The following RPN2 variants were observed in gnomAD, a reference collection of about 807,000 sequenced individuals.
RPN2 encodes the protein dolichyl-diphosphooligosaccharide--protein glycosyltransferase subunit 2.
Under a neutral mutation model 71.4 loss-of-function variants are expected in RPN2, and 29 were observed. The ratio of observed to expected loss-of-function variants is 0.41; its 90% CI spans 0.30 to 0.55. The LOEUF (loss-of-function observed/expected upper bound fraction) is 0.55, where lower values mean the gene tolerates loss of function less well. RPN2 is among the 20% of genes least tolerant of loss of function. RPN2 has a pLI of 0.35. For synonymous variants in RPN2, 308 were observed against 305.0 expected, an observed-to-expected ratio of 1.01 and a Z score of -0.10; for missense variants, 726 against 774.1, an observed-to-expected ratio of 0.94 and a Z score of 0.74.
chr20:37,188,304 G>A (rs927421520), intron 2 of RPN2, among the ~76,000 whole-genome samples: 1 of 151,910 alleles, frequency 6.6e-6, no homozygotes, highest in African/African-American at 2.4e-5. Context: ...ATAGGTGCAC[G>A]CCACCACACC....
chr20:37,222,683 T>G (rs2067989872), intron 9 of RPN2, among the ~76,000 whole-genome samples: 1 of 152,230 alleles, frequency 6.6e-6, no homozygotes. Context: ...AAGGATTTCC[T>G]TAAGTGTTAC....
chr20:37,184,037 G>C (rs1568957720), intron 1 of RPN2, 143 bp from the exon 2 acceptor site: 1 of 931,408 alleles, frequency 1.1e-6, no homozygotes, highest in Non-Finnish European at 1.7e-6. Context: ...CCTTCCCAAG[G>C]CTTCTCCTCA....
intron 1 of RPN2, among the ~76,000 whole-genome samples, chr20:37,183,261 G>A (rs1424180942): frequency 1.3e-5 from 2 of 151,840 alleles, no homozygotes; most frequent in Non-Finnish European, 1.5e-5. Flanking sequence ...TGTCACTCAG[G>A]TTGGCAACAA....
rs768969827 is a variant in RPN2 at position 37,210,032 on chromosome 20, T to C, written c.868-15T>C. On this transcript the variant is annotated splice_polypyrimidine_tract_variant and intron_variant, in intron 7 of 16. Transcript: ENST00000237530. ...TAGCCTTTGTTGTAACAAATAATTT[T>C]TTATTTATTTCCAGTTGCAAGTCAC... 14 of 1,613,086 alleles carry C rather than the reference T, an allele frequency of 8.7e-6. No individual in the cohort carries two copies. The highest frequency in any genetic ancestry group is 1.7e-5 in the Admixed American group (1 of 60,010).
intron 7 of RPN2, among the ~76,000 whole-genome samples, chr20:37,209,291 G>GATGGGA (rs1458888179): frequency 1.3e-5 from 2 of 152,136 alleles, no homozygotes; most frequent in Non-Finnish European, 2.9e-5. Context: ...TCCCATTGCT[G>GATGGGA]ATACCATTCT....
At chr20:37,192,456 C>T (rs546650471) in intron 2 of RPN2, among the ~76,000 whole-genome samples, 3 of 152,302 alleles carry the variant, frequency 2.0e-5, no homozygotes, top group African/African-American at 7.2e-5. Context: ...CAGAGGGAGC[C>T]GGCACTCACC....
In RPN2 at chr20:37,180,666, TTAG is replaced by T. The variant is rs1352619201; in HGVS notation, c.13+1298_13+1300del. ...ATTAGTATCTTGACTCCGCTCTCTC[TTAG>T]GTCTTTCTGTCCATTAGCAGTTTCT... is the stretch of plus-strand genomic sequence containing the variant. On this transcript the variant is annotated intron_variant, in intron 1 of 16. Transcript: ENST00000237530. Among the ~76,000 whole-genome samples, 3 of 152,332 alleles carry T rather than the reference TTAG, an allele frequency of 2.0e-5. No individual in the cohort carries two copies. In the South Asian group the frequency reaches 6.2e-4, roughly 32 times the overall value.
At chr20:37,208,440 C>T (rs573887187) in intron 7 of RPN2, among the ~76,000 whole-genome samples, 3 of 152,168 alleles carry the variant, frequency 2.0e-5, no homozygotes, top group Middle Eastern at 6.8e-3. Flanking sequence ...GACGCGGTCT[C>T]GCTATGTCGC....
intron 2 of RPN2, among the ~76,000 whole-genome samples, chr20:37,190,774 A>G (rs1318340168): frequency 2.0e-5 from 3 of 152,234 alleles, no homozygotes; most frequent in Non-Finnish European, 4.4e-5. Context: ...AAATAGGTTA[A>G]TCACATACTC....
chr20:37,197,380 T>C (rs772213001), intron 2 of RPN2, among the ~76,000 whole-genome samples: 34 of 152,164 alleles, frequency 2.2e-4, no homozygotes, highest in Middle Eastern at 3.4e-3. Flanking sequence ...ACTGGGACAA[T>C]GTAGGTGAGA....
At chr20:37,240,523 CTGA>C (rs2068523322) in intron 16 of RPN2, among the ~76,000 whole-genome samples, 1 of 152,168 alleles carries the variant, frequency 6.6e-6, no homozygotes, top group Admixed American at 6.5e-5. Flanking sequence ...AGAGCTGCCA[CTGA>C]AGGATGGTGT....
intron 15 of RPN2, among the ~76,000 whole-genome samples, chr20:37,234,402 A>G (rs191174510): frequency 4.0e-4 from 61 of 152,318 alleles, no homozygotes; most frequent in African/African-American, 1.3e-3. Context: ...ACATTGAGCA[A>G]TCTTCCTGGA....
intron 2 of RPN2, among the ~76,000 whole-genome samples, chr20:37,196,645 G>A (rs1239263272): frequency 6.6e-6 from 1 of 152,114 alleles, no homozygotes; most frequent in Admixed American, 6.6e-5. Flanking sequence ...TTCATAAAGT[G>A]TTAGGATTAC....
intron 13 of RPN2, among the ~76,000 whole-genome samples, chr20:37,231,857 A>G (rs1440319661): frequency 6.6e-6 from 1 of 152,198 alleles, no homozygotes; most frequent in Non-Finnish European, 1.5e-5. Flanking sequence ...TGTTACCACC[A>G]TTAGCCAATT....
chr20:37,204,676 C>T, intron 5 of RPN2, 91 bp from the exon 6 acceptor site: 4 of 1,375,912 alleles, frequency 2.9e-6, no homozygotes, highest in Non-Finnish European at 3.1e-6. Flanking sequence ...AGAGATGTCA[C>T]GAAGCTGTCT....
Position 37,241,605 on chromosome 20 carries a change from G to A in RPN2, c.*290G>A. The A allele has an allele frequency of 2.2e-6, 1 of 457,210 alleles. No homozygotes were observed. Among genetic ancestry groups the A allele is most frequent in the South Asian group, 2.2e-5 (1 of 44,964 alleles). 28.3% of individuals were successfully genotyped at this position (457,210 alleles called of 1,614,324 possible). On this transcript the variant is annotated 3_prime_UTR_variant, in exon 17 of 17. Transcript: ENST00000237530. The stretch of plus-strand genomic sequence containing the variant: ...ATGTGTAATTGTTTTGGAATAAAGA[G>A]GGTAACAATAGGAACAAAGGCCTGA...
intron 1 of RPN2, among the ~76,000 whole-genome samples, chr20:37,182,810 C>T (rs891200907): frequency 1.5e-4 from 23 of 152,256 alleles, no homozygotes; most frequent in African/African-American, 4.8e-4. Context: ...ACTTGGGTGC[C>T]AGACAATGCA....
chr20:37,219,403 C>G (rs986988315), intron 9 of RPN2, among the ~76,000 whole-genome samples: 4 of 151,956 alleles, frequency 2.6e-5, no homozygotes, highest in Admixed American at 2.6e-4. Context: ...ATCTATACAC[C>G]TCTTATTTCC....
At chr20:37,212,638 C>T (rs1160979786) in intron 8 of RPN2, among the ~76,000 whole-genome samples, 1 of 151,970 alleles carries the variant, frequency 6.6e-6, no homozygotes, top group Non-Finnish European at 1.5e-5. Flanking sequence ...CCACCATGCC[C>T]AGCTAATTTT....
Sources: gnomAD v4.1 joint callset for allele counts (sites outside exome capture counted in the v4.1 genomes callset) on GRCh38, gnomAD v4.1.1 for gene constraint, MANE v1.5 for transcripts, NCBI Gene and HGNC (gene_info 2026-07-23, HGNC 2026-07-21) for gene names.